Variants in RIN3 observed in about 807,000 individuals in gnomAD.
RIN3 encodes RAB5 interacting protein 3.
In RIN3, 54 loss-of-function variants were observed where a neutral mutation model predicts 76.3. The observed-to-expected ratio is 0.71, with a 90% CI of 0.57 to 0.89. The LOEUF is 0.89. RIN3 is among the 40% of genes least tolerant of loss of function. RIN3 has a pLI of 0.00. For synonymous variants in RIN3, 576 were observed against 564.0 expected (o/e 1.02, Z -0.30); for missense variants, 1,256 against 1,322.1 (o/e 0.95, Z 0.78).
intron 3 of RIN3, among the ~76,000 whole-genome samples, chr14:92,595,512 C>T (rs549527222): frequency 9.2e-5 from 14 of 151,518 alleles, no homozygotes; most frequent in African/African-American, 2.2e-4. Flanking sequence ...TACCTCTGAG[C>T]GCCTCTGAAC....
chr14:92,612,601 A>C (rs548161085), intron 3 of RIN3, among the ~76,000 whole-genome samples: 4 of 152,222 alleles, frequency 2.6e-5, no homozygotes, highest in Non-Finnish European at 5.9e-5. Context: ...AGGGAGACTC[A>C]AAGATGGACC....
chr14:92,552,542 C>T (rs552976069), intron 1 of RIN3, among the ~76,000 whole-genome samples: 1 of 152,226 alleles, frequency 6.6e-6, no homozygotes, highest in African/African-American at 2.4e-5. Context: ...CCCCTACCCC[C>T]TCTGCTCTCA....
At position 92,656,598 on chromosome 14, in the gene RIN3, G is replaced by T. The variant is rs1887676233; in HGVS notation, c.2027-2563G>T. On this transcript the variant is annotated intron_variant, in intron 6 of 9. Transcript: ENST00000216487. The surrounding 1 kb of genome is among the most constrained non-coding windows in gnomAD (Gnocchi z 5.2). ...TTCGGGCACCAAGATGTCAAGAGGTGCTAGACTTGGAGTTTGTCCTGGCAG... is the reference window on the plus strand; with the variant it reads ...TTCGGGCACCAAGATGTCAAGAGGTTCTAGACTTGGAGTTTGTCCTGGCAG... 6.6e-6 allele frequency among the ~76,000 whole-genome samples: 1 copy of T among 152,230 alleles called. No individual in the cohort carries two copies. The highest frequency in any genetic ancestry group is 2.4e-5 in the African/African-American group (1 of 41,452).
In RIN3 at chr14:92,652,375, T is replaced by G. The variant is rs1200654733; in HGVS notation, c.1326T>G (p.Asp442Glu). ...QGQDTEVKAS[D>E]PHSMPELPRT... Reference sequence around the variant, plus strand: ...AGGACACAGAGGTGAAAGCCAGCGATCCTCACAGCATGCCAGAGCTGCCCA... The same window carrying G: ...AGGACACAGAGGTGAAAGCCAGCGAGCCTCACAGCATGCCAGAGCTGCCCA... The change falls in exon 6 of 10, where the codon GAT becomes GAG. Residue 442 changes from aspartate (D) to glutamate (E), a missense_variant. Asp to Glu is a conservative substitution (Grantham distance 45). Coordinates refer to ENST00000216487, the MANE Select transcript of RIN3 (RefSeq NM_024832.5). This position sits in a 1 kb window ranked among gnomAD's most constrained non-coding sequence, Gnocchi z 6.4. 1 of 1,609,038 alleles carries G rather than the reference T, an allele frequency of 6.2e-7. No homozygotes were observed. Among genetic ancestry groups the G allele is most frequent in the Non-Finnish European group, 8.5e-7 (1 of 1,177,542 alleles).
In RIN3 at chr14:92,571,552, T is replaced by A. The variant is rs1360886808; in HGVS notation, c.250-5808T>A. 2.0e-5 allele frequency among the ~76,000 whole-genome samples: 3 copies of A among 151,990 alleles called. No homozygotes were observed. The East Asian group carries it at 5.8e-4, about 29-fold the overall frequency. On this transcript the variant is annotated intron_variant, in intron 2 of 9. Transcript: ENST00000216487. ...CTCACCCATACTCACACACACACAC[T>A]CACTCACAATTTTCTGACACCGGCT... is the stretch of plus-strand genomic sequence containing the variant.
At chr14:92,571,073 G>A (rs1182594594) in intron 2 of RIN3, among the ~76,000 whole-genome samples, 1 of 152,232 alleles carries the variant, frequency 6.6e-6, no homozygotes, top group East Asian at 1.9e-4. Context: ...GCCGGTCAAA[G>A]GTGGCCAACT....
chr14:92,639,697 T>C (rs900134344), intron 4 of RIN3, among the ~76,000 whole-genome samples: 3 of 152,246 alleles, frequency 2.0e-5, no homozygotes, highest in African/African-American at 7.2e-5. Context: ...CCCCTTTTCC[T>C]TTCCGGGCCC....
At chr14:92,618,672 A>G (rs1886059672) in intron 4 of RIN3, among the ~76,000 whole-genome samples, 1 of 152,236 alleles carries the variant, frequency 6.6e-6, no homozygotes, top group African/African-American at 2.4e-5. Context: ...ATCCCTTTGT[A>G]AAATGTTTAA....
chr14:92,666,151 GC>G (rs1481046571), intron 7 of RIN3, among the ~76,000 whole-genome samples: 36 of 151,854 alleles, frequency 2.4e-4, no homozygotes, highest in Non-Finnish European at 4.7e-4. Flanking sequence ...AGTCTTCCCA[GC>G]CCCCTCACCT....
At chr14:92,575,771 G>T (rs574075709) in intron 2 of RIN3, among the ~76,000 whole-genome samples, 2 of 152,112 alleles carry the variant, frequency 1.3e-5, no homozygotes, top group Non-Finnish European at 2.9e-5. Context: ...TCTTTACCAC[G>T]TCCTGTTTTG....
chr14:92,560,211 A>G (rs1334080945), intron 2 of RIN3, among the ~76,000 whole-genome samples: 3 of 152,194 alleles, frequency 2.0e-5, no homozygotes, highest in Admixed American at 6.5e-5. Context: ...CTCTGCTACA[A>G]TCCAGGTGCT....
intron 1 of RIN3, among the ~76,000 whole-genome samples, chr14:92,540,979 A>G (rs1275023995): frequency 1.3e-5 from 2 of 152,240 alleles, no homozygotes; most frequent in Non-Finnish European, 2.9e-5. Flanking sequence ...AGCCTTCAAC[A>G]TAACAGTCTA....
At chr14:92,528,425 C>T (rs1005345898) in intron 1 of RIN3, among the ~76,000 whole-genome samples, 1 of 152,184 alleles carries the variant, frequency 6.6e-6, no homozygotes. Flanking sequence ...GCCTCTAATT[C>T]AGAGTTGCTG....
At chr14:92,628,230 T>A (rs568557743) in intron 4 of RIN3, among the ~76,000 whole-genome samples, 15 of 152,310 alleles carry the variant, frequency 9.8e-5, no homozygotes, top group Middle Eastern at 3.4e-3. Flanking sequence ...GAACTATTTG[T>A]TCTTAACAAC....
chr14:92,515,096 G>T, intron 1 of RIN3: 1 of 594,824 alleles, frequency 1.7e-6, no homozygotes. Context: ...GGGAGGGACT[G>T]GGAGGGGGCC....
intron 2 of RIN3, among the ~76,000 whole-genome samples, chr14:92,572,868 T>C (rs1271577080): frequency 8.2e-6 from 1 of 121,686 alleles, no homozygotes; most frequent in Non-Finnish European, 1.7e-5. Flanking sequence ...AGGGTGACTC[T>C]TTTTTTTGCT....
intron 2 of RIN3, among the ~76,000 whole-genome samples, chr14:92,557,783 T>A (rs953886576): frequency 6.6e-6 from 1 of 152,130 alleles, no homozygotes; most frequent in East Asian, 1.9e-4. Context: ...CCCTCTGTGG[T>A]CCCCAGTTCC....
At chr14:92,566,941 C>T (rs958040722) in intron 2 of RIN3, among the ~76,000 whole-genome samples, 2 of 152,198 alleles carry the variant, frequency 1.3e-5, no homozygotes, top group African/African-American at 4.8e-5. Context: ...AATCCCTAGC[C>T]TGGTGCCTGC....
intron 1 of RIN3, among the ~76,000 whole-genome samples, chr14:92,525,971 C>A (rs1300120226): frequency 6.6e-6 from 1 of 152,050 alleles, no homozygotes; most frequent in Non-Finnish European, 1.5e-5. Context: ...GGCATGAGAG[C>A]CACACAAAGC....
Sources: gnomAD v4.1 joint callset for allele counts (sites outside exome capture counted in the v4.1 genomes callset) on GRCh38, gnomAD v4.1.1 for gene constraint, Gnocchi (gnomAD v3.1) non-coding constraint, MANE v1.5 for transcripts, NCBI Gene and HGNC (gene_info 2026-07-23, HGNC 2026-07-21) for gene names.